NRG4: variants seen among roughly 807,000 people sequenced by gnomAD.
The protein encoded by NRG4 is pro-neuregulin-4, membrane-bound isoform.
A neutral mutation model predicts 15.0 loss-of-function variants in NRG4; 10 were observed. The ratio of observed to expected loss-of-function variants is 0.67; its 90% CI spans 0.41 to 1.13. The LOEUF (loss-of-function observed/expected upper bound fraction) is 1.13. NRG4 is among the 50% of genes most tolerant of loss of function. NRG4 has a pLI of 0.00. For missense variants in NRG4, 139 were observed against 140.2 expected, an observed-to-expected ratio of 0.99 and a Z score of 0.04; for synonymous variants, 41 against 50.1, an observed-to-expected ratio of 0.82 and a Z score of 0.77.
At chr15:76,035,890 A>G (rs2035586573) in intron 5 of NRG4, 1 of 152,208 alleles carries the variant, frequency 6.6e-6, no homozygotes, top group Non-Finnish European at 1.5e-5. Context: ...GGTATTTCTG[A>G]AATAGATAAA....
intron 3 of NRG4, among the ~76,000 whole-genome samples, chr15:75,963,673 G>C (rs909802410): frequency 3.3e-5 from 5 of 151,726 alleles, no homozygotes; most frequent in African/African-American, 9.7e-5. Flanking sequence ...AGCTACTCAG[G>C]AGGCTGAGGC....
intron 3 of NRG4, among the ~76,000 whole-genome samples, chr15:75,976,643 T>C (rs111728472): frequency 0.06 from 9,199 of 152,262 alleles, 576 homozygotes; most frequent in African/African-American, 0.17. Context: ...CGTTTGCCTG[T>C]GTATCACCAG....
At chr15:76,057,088 C>T (rs2036170473) in intron 1 of NRG4, 1 of 152,202 alleles carries the variant, frequency 6.6e-6, no homozygotes, top group Non-Finnish European at 1.5e-5. Context: ...CTTATACTTT[C>T]CTGTTGCTAC....
chr15:75,966,435 G>GT (rs899217275), intron 3 of NRG4, among the ~76,000 whole-genome samples: 16 of 152,172 alleles, frequency 1.1e-4, no homozygotes, highest in Non-Finnish European at 1.6e-4. Flanking sequence ...TCAGAATCAA[G>GT]TAAGAATGTC....
Position 76,032,942 on chromosome 15 carries a change from A to C in NRG4, c.-57+3002T>G, listed in dbSNP as rs188961084. On this transcript the variant is annotated intron_variant, in intron 5 of 8. Coordinates refer to the NRG4 transcript ENST00000563910. ...GCAGAACTAAAATACTATCTTATTCAAAAGCCATGACTATATTGAACCTAT... is the reference window on the plus strand; with the variant it reads ...GCAGAACTAAAATACTATCTTATTCCAAAGCCATGACTATATTGAACCTAT... 6.0e-4 allele frequency among the ~76,000 whole-genome samples: 91 copies of C among 152,370 alleles called. 1 individual carries two copies. Among genetic ancestry groups the C allele is most frequent in the African/African-American group, 2.0e-3 (85 of 41,586 alleles).
intron 3 of NRG4, chr15:75,971,027 G>T: frequency 4.3e-6 from 1 of 230,502 alleles, no homozygotes. Context: ...TTGTCTTCGA[G>T]CTATTTTACA....
rs1015118309 is a variant in NRG4 at position 76,034,556 on chromosome 15, C to T, written c.-57+1388G>A. 4.0e-5 allele frequency among the ~76,000 whole-genome samples: 6 copies of T among 151,780 alleles called. No homozygotes were observed. The East Asian group carries it at 1.2e-3, about 29-fold the overall frequency. ...CTTAGAGTGGTGGATATGACAATTG[C>T]TTGGAGGGAAAAACTTCTGTTTTAT... On this transcript the variant is annotated intron_variant, in intron 5 of 8. Transcript: ENST00000563910.
chr15:76,000,918 A>T (rs1199121979), intron 3 of NRG4, among the ~76,000 whole-genome samples: 1 of 152,222 alleles, frequency 6.6e-6, no homozygotes, highest in East Asian at 1.9e-4. Flanking sequence ...GAAAAAAGAA[A>T]TACAGGATAG....
intron 3 of NRG4, among the ~76,000 whole-genome samples, chr15:75,978,605 T>C (rs1258980990): frequency 6.6e-6 from 1 of 152,202 alleles, no homozygotes; most frequent in Non-Finnish European, 1.5e-5. Flanking sequence ...TTTCAGGGTT[T>C]AGAGGAACCT....
chr15:76,021,644 C>T (rs1166555277), intron 5 of NRG4, among the ~76,000 whole-genome samples: 1 of 152,196 alleles, frequency 6.6e-6, no homozygotes, highest in African/African-American at 2.4e-5. Context: ...AGCCATGATG[C>T]TGTCTACTAT....
Position 76,009,246 on chromosome 15 carries a change from C to T in NRG4, c.58G>A (p.Gly20Arg). 1 of 1,605,182 alleles carries T rather than the reference C, an allele frequency of 6.2e-7. No individual in the cohort carries two copies. Among genetic ancestry groups the T allele is most frequent in the East Asian group, 2.2e-5 (1 of 44,664 alleles). Residue 20 changes from glycine (G) to arginine (R), a missense_variant, in exon 3 of 6, where the codon GGG becomes AGG. Coordinates refer to ENST00000394907, the MANE Select transcript of NRG4 (RefSeq NM_138573.4). ...GPSHKSFCLN[G>R]GLCYVIPTIP... ...GTAGGTATCACATAACAAAGCCCCC[C>T]ATTCAGGCAAAACGACTTGTGACTG...
intron 3 of NRG4, among the ~76,000 whole-genome samples, chr15:75,978,389 T>C (rs962901912): frequency 6.6e-6 from 1 of 152,212 alleles, no homozygotes; most frequent in Non-Finnish European, 1.5e-5. Context: ...TCATTTTTTT[T>C]ATGGCTGAAT....
rs532983786 is a variant in NRG4, at chr15:76,029,998, T to C, written c.-57+5946A>G. Among the ~76,000 whole-genome samples, 26 of 152,074 alleles carry C rather than the reference T, an allele frequency of 1.7e-4. No homozygotes were observed. The South Asian group carries it at 4.6e-3, about 27-fold the overall frequency. Reference sequence around the variant, plus strand: ...TGCAGGCCAGGCATGGTGGCTCATGTCTGTAATCCCAGCACTTTGGGAGGC... The same window carrying C: ...TGCAGGCCAGGCATGGTGGCTCATGCCTGTAATCCCAGCACTTTGGGAGGC... On this transcript the variant is annotated intron_variant, in intron 5 of 8. Transcript: ENST00000563910.
intron 5 of NRG4, among the ~76,000 whole-genome samples, chr15:76,030,871 T>C (rs1365779906): frequency 6.6e-6 from 1 of 152,128 alleles, no homozygotes; most frequent in Non-Finnish European, 1.5e-5. Context: ...AATGAACATT[T>C]CCCAACTCAT....
At chr15:76,051,619 T>C (rs1044730372) in intron 4 of NRG4, among the ~76,000 whole-genome samples, 1 of 148,408 alleles carries the variant, frequency 6.7e-6, no homozygotes, top group African/African-American at 2.6e-5. Context: ...GCTGGAGTGC[T>C]GTGGCACTAT....
chr15:75,986,683 T>C (rs2033811778), intron 3 of NRG4, among the ~76,000 whole-genome samples: 1 of 152,226 alleles, frequency 6.6e-6, no homozygotes, highest in Non-Finnish European at 1.5e-5. Flanking sequence ...TTGGACCATA[T>C]AAATTATCAA....
At chr15:75,964,661 C>G (rs1050674742) in intron 3 of NRG4, among the ~76,000 whole-genome samples, 9 of 152,212 alleles carry the variant, frequency 5.9e-5, no homozygotes, top group African/African-American at 2.2e-4. Context: ...CACAGTGGCT[C>G]ATGCCTGTAA....
At chr15:76,051,209 T>G (rs2036003844) in intron 4 of NRG4, among the ~76,000 whole-genome samples, 2 of 147,766 alleles carry the variant, frequency 1.4e-5, no homozygotes, top group East Asian at 2.0e-4. Flanking sequence ...GTTTCACCGT[T>G]TTAGCCGGGA....
At chr15:76,009,140 AAGAAGTTAGT>A in intron 3 of NRG4, 50 bp downstream of exon 3, 1 of 837,400 alleles carries the variant, frequency 1.2e-6, no homozygotes, top group South Asian at 1.4e-5. Flanking sequence ...TCACTTCTCA[AAGAAGTTAGT>A]AGACAATAAA....
Sources: allele counts gnomAD v4.1 joint callset (sites outside exome capture counted in the v4.1 genomes callset), GRCh38; gene constraint gnomAD v4.1.1; transcripts MANE v1.5; gene names NCBI Gene and HGNC (gene_info 2026-07-23, HGNC 2026-07-21).